The following MCCC2 variants were observed in gnomAD, a reference collection of about 807,000 sequenced individuals.
The protein encoded by MCCC2 is methylcrotonyl-CoA carboxylase subunit 2, also known as methylcrotonoyl-CoA carboxylase beta chain, mitochondrial.
Under a neutral mutation model 77.2 loss-of-function variants are expected in MCCC2, and 52 were observed. The ratio of observed to expected loss-of-function variants is 0.67; its 90% CI spans 0.54 to 0.85. The LOEUF is 0.85. Among genes scored for constraint, MCCC2 ranks in the 40% least tolerant of loss-of-function variants. The probability of loss-of-function intolerance (pLI) is 0.00; values close to 1 mark genes in which losing one functional copy is unlikely to be tolerated. For missense variants in MCCC2, 682 were observed against 703.2 expected (o/e 0.97, Z 0.34); for synonymous variants, 253 against 248.4 (o/e 1.02, Z -0.18).
At chr5:71,592,853 TTG>T in intron 1 of MCCC2, 71 bp from the exon 2 acceptor site, 42 of 1,184,226 alleles carry the variant, frequency 3.5e-5, no homozygotes, top group Admixed American at 1.3e-4. Flanking sequence ...TTTTTTTTTT[TTG>T]ACCTTTATTT....
chr5:71,645,098 C>T (rs1747241461), intron 12 of MCCC2, among the ~76,000 whole-genome samples: 1 of 151,978 alleles, frequency 6.6e-6, no homozygotes, highest in Non-Finnish European at 1.5e-5. Context: ...ATATAATATA[C>T]TTATTTCAAT....
chr5:71,621,031 G>A (rs1419353554), intron 6 of MCCC2, among the ~76,000 whole-genome samples: 1 of 152,170 alleles, frequency 6.6e-6, no homozygotes, highest in Non-Finnish European at 1.5e-5. Context: ...CACATCACAA[G>A]CCAAATCTCT....
intron 7 of MCCC2, among the ~76,000 whole-genome samples, chr5:71,631,399 G>T (rs938802275): frequency 6.6e-6 from 1 of 152,144 alleles, no homozygotes; most frequent in African/African-American, 2.4e-5. Context: ...GACTTGAAGG[G>T]TAAGTGGGAA....
At chr5:71,647,032 C>T (rs1308387165) in intron 13 of MCCC2, among the ~76,000 whole-genome samples, 1 of 152,144 alleles carries the variant, frequency 6.6e-6, no homozygotes, top group African/African-American at 2.4e-5. Flanking sequence ...ATGACCTTAA[C>T]ATGGTGGATA....
At chr5:71,597,653 A>G (rs1424751815) in intron 3 of MCCC2, among the ~76,000 whole-genome samples, 1 of 151,990 alleles carries the variant, frequency 6.6e-6, no homozygotes, top group East Asian at 1.9e-4. Context: ...GGTAAGTGAA[A>G]ACTCCCAAAG....
At chr5:71,633,506 A>G (rs556834214) in intron 8 of MCCC2, among the ~76,000 whole-genome samples, 9 of 152,004 alleles carry the variant, frequency 5.9e-5, no homozygotes, top group Non-Finnish European at 1.2e-4. Context: ...ACTGTTATTC[A>G]TAATAACCTG....
chr5:71,620,041 G>A (rs1234920286), intron 6 of MCCC2, among the ~76,000 whole-genome samples: 1 of 152,030 alleles, frequency 6.6e-6, no homozygotes, highest in Admixed American at 6.5e-5. Context: ...TAGGGCCTAG[G>A]AGAAACAAAA....
rs550220664 is a variant in MCCC2 at position 71,596,341 on chromosome 5, A to G, written c.258A>G (p.Arg86=). ...GAGGAAAACTATTGCCCAGAGAAAG[A>G]ATTGACAATCTCATAGACCCAGGGT... ...ISRGKLLPRE[R]IDNLIDPGSP... The change falls in exon 3 of 17, where the codon AGA becomes AGG. Residue 86 remains arginine (R), a synonymous_variant. Coordinates refer to ENST00000340941, the MANE Select transcript of MCCC2 (RefSeq NM_022132.5). 6.2e-7 allele frequency: 1 copy of G among 1,614,176 alleles called. No individual in the cohort carries two copies. The highest frequency in any genetic ancestry group is 1.1e-5 in the South Asian group (1 of 91,090).
intron 6 of MCCC2, among the ~76,000 whole-genome samples, chr5:71,609,724 A>G (rs201025361): frequency 6.6e-5 from 10 of 151,862 alleles, no homozygotes; most frequent in Admixed American, 1.3e-4. Context: ...CTTTGATGAT[A>G]GTGATGTACA....
At chr5:71,647,148 T>C (rs937515596) in intron 13 of MCCC2, among the ~76,000 whole-genome samples, 1 of 152,118 alleles carries the variant, frequency 6.6e-6, no homozygotes, top group Non-Finnish European at 1.5e-5. Context: ...CACTCAGATA[T>C]GTTGGTTAGC....
At chr5:71,642,528 C>T (rs546197228) in intron 11 of MCCC2, among the ~76,000 whole-genome samples, 41 of 152,140 alleles carry the variant, frequency 2.7e-4, no homozygotes, top group Non-Finnish European at 4.7e-4. Context: ...CCCTACTCAG[C>T]GCATCCTGTC....
chr5:71,604,582 C>CTT (rs35873168), intron 6 of MCCC2, 114 bp downstream of exon 6: 8,630 of 661,468 alleles, frequency 0.013, 2 homozygotes, highest in East Asian at 0.022. Context: ...AAAATCTAAT[C>CTT]TTTTTTTTTT....
intron 7 of MCCC2, among the ~76,000 whole-genome samples, chr5:71,631,378 A>G (rs1281264972): frequency 3.3e-5 from 5 of 151,982 alleles, no homozygotes; most frequent in African/African-American, 1.2e-4. Flanking sequence ...AGAGGAGGCA[A>G]CTTGAGGTGG....
intron 6 of MCCC2, among the ~76,000 whole-genome samples, chr5:71,624,674 G>C (rs6871148): frequency 0.81 from 119,083 of 147,534 alleles, 48,321 homozygotes; most frequent in East Asian, 0.87. Context: ...ACCACACCCA[G>C]CCCCTGCTTT....
At chr5:71,624,733 C>T (rs1448334928) in intron 6 of MCCC2, among the ~76,000 whole-genome samples, 11 of 131,534 alleles carry the variant, frequency 8.4e-5, no homozygotes, top group South Asian at 2.5e-4. Context: ...CTTGCTTTGT[C>T]GCCCAGGCTG....
chr5:71,646,073 A>AT, intron 12 of MCCC2, 138 bp from the exon 13 acceptor site: 4 of 668,168 alleles, frequency 6.0e-6, no homozygotes, highest in Non-Finnish European at 7.4e-6. Flanking sequence ...TTAAAAAAAA[A>AT]AAATTAATAA....
At chr5:71,634,851 C>CA (rs1413371817) in intron 8 of MCCC2, 92 bp from the exon 9 acceptor site, 1 of 1,144,894 alleles carries the variant, frequency 8.7e-7, no homozygotes, top group Non-Finnish European at 1.3e-6. Context: ...AAAGTGCTGT[C>CA]ATCTTTAGAT....
Position 71,596,312 on chromosome 5 carries a change from T to A in MCCC2, c.229T>A (p.Ser77Thr), listed in dbSNP as rs1251110109. 6.2e-7 allele frequency: 1 copy of A among 1,614,128 alleles called. No homozygotes were observed. Among genetic ancestry groups the A allele is most frequent in the Admixed American group, 1.7e-5 (1 of 60,000 alleles). Reference protein sequence around the residue: ...GGEKARALHISRGKLLPRERI... With the variant: ...GGEKARALHITRGKLLPRERI... ...TGAGAAAGCCCGAGCACTTCACATA[T>A]CAAGAGGAAAACTATTGCCCAGAGA... The change falls in exon 3 of 17, where the codon TCA becomes ACA. Residue 77 changes from serine (S) to threonine (T), a missense_variant. Ser to Thr is a moderately conservative substitution (Grantham distance 58). Coordinates refer to ENST00000340941, the MANE Select transcript of MCCC2 (RefSeq NM_022132.5).
intron 2 of MCCC2, 60 bp downstream of exon 2, chr5:71,593,052 T>C (rs1469098353): frequency 1.1e-5 from 15 of 1,387,252 alleles, no homozygotes; most frequent in Admixed American, 1.7e-5. Context: ...AAAATAGTTA[T>C]TGCTTTTAGG....
Sources: allele counts gnomAD v4.1 joint callset (sites outside exome capture counted in the v4.1 genomes callset), GRCh38; gene constraint gnomAD v4.1.1; transcripts MANE v1.5; gene names NCBI Gene and HGNC (gene_info 2026-07-23, HGNC 2026-07-21).